Variants in DIPK1A observed in about 807,000 individuals in gnomAD.
The protein encoded by DIPK1A is family with sequence similarity 69 member A.
In DIPK1A, 27 loss-of-function variants were observed where a neutral mutation model predicts 40.8. That is an observed-to-expected ratio of 0.66 (90% confidence interval 0.49 to 0.91). The LOEUF (loss-of-function observed/expected upper bound fraction) is 0.91, where lower values mean the gene tolerates loss of function less well. DIPK1A is among the 40% of genes least tolerant of loss of function. The probability of loss-of-function intolerance (pLI) is 0.00; values close to 1 mark genes in which losing one functional copy is unlikely to be tolerated. For missense variants in DIPK1A, 412 were observed against 505.7 expected (o/e 0.81, Z 1.78); for synonymous variants, 166 against 171.3 (o/e 0.97, Z 0.24).
At chr1:92,906,861 T>C (rs1649644461) in intron 1 of DIPK1A, among the ~76,000 whole-genome samples, 1 of 152,186 alleles carries the variant, frequency 6.6e-6, no homozygotes, top group Non-Finnish European at 1.5e-5. Flanking sequence ...TTACCTCTTA[T>C]CTTTAAAGAT....
At chr1:92,874,312 A>G (rs1319283279) in intron 2 of DIPK1A, among the ~76,000 whole-genome samples, 4 of 152,218 alleles carry the variant, frequency 2.6e-5, no homozygotes, top group Non-Finnish European at 4.4e-5. Flanking sequence ...ATTTTGTCTT[A>G]ATCTCTTAGA....
intron 1 of DIPK1A, among the ~76,000 whole-genome samples, chr1:92,939,667 A>G (rs1651077842): frequency 6.6e-6 from 1 of 152,172 alleles, no homozygotes; most frequent in Non-Finnish European, 1.5e-5. Context: ...ATTTACATTT[A>G]TCAGGGCTGG....
chr1:92,940,462 C>T lies in DIPK1A; in HGVS notation c.54+20914G>A, dbSNP rs574109093. 5.3e-4 allele frequency among the ~76,000 whole-genome samples: 80 copies of T among 152,282 alleles called. 1 individual carries two copies. Among genetic ancestry groups the T allele is most frequent in the Non-Finnish European group, 1.0e-3 (70 of 68,016 alleles). On this transcript the variant is annotated intron_variant, in intron 1 of 4. Transcript: ENST00000370310. ...ATGTGATTATCATTTAATTAAGGGA[C>T]TTTTGGTACTACAATTCTACCCCTT...
At chr1:92,913,283 G>T (rs1456789189) in intron 1 of DIPK1A, among the ~76,000 whole-genome samples, 1 of 151,916 alleles carries the variant, frequency 6.6e-6, no homozygotes, top group Non-Finnish European at 1.5e-5. Flanking sequence ...GCTACTGATT[G>T]CTTCAACCCC....
At chr1:92,913,280 A>AT (rs1649907708) in intron 1 of DIPK1A, among the ~76,000 whole-genome samples, 1 of 152,088 alleles carries the variant, frequency 6.6e-6, no homozygotes, top group Non-Finnish European at 1.5e-5. Context: ...CAAGCTACTG[A>AT]TTGCTTCAAC....
chr1:92,914,955 G>A (rs1410118002), intron 1 of DIPK1A, among the ~76,000 whole-genome samples: 1 of 151,670 alleles, frequency 6.6e-6, no homozygotes, highest in East Asian at 1.9e-4. Flanking sequence ...AGGAGTGGTG[G>A]TGCACACCTA....
intron 1 of DIPK1A, among the ~76,000 whole-genome samples, chr1:92,910,550 G>T (rs1462766426): frequency 1.3e-5 from 2 of 152,060 alleles, no homozygotes; most frequent in Non-Finnish European, 2.9e-5. Flanking sequence ...CCAGTGACTA[G>T]AGTGCATCAT....
At chr1:92,948,873 T>G (rs926840967) in intron 1 of DIPK1A, among the ~76,000 whole-genome samples, 1 of 149,038 alleles carries the variant, frequency 6.7e-6, no homozygotes, top group Non-Finnish European at 1.5e-5. Context: ...GGTGCGATCT[T>G]GGCTCACTGC....
chr1:92,935,110 G>T (rs1272094282), intron 1 of DIPK1A, among the ~76,000 whole-genome samples: 1 of 152,186 alleles, frequency 6.6e-6, no homozygotes, highest in African/African-American at 2.4e-5. Flanking sequence ...CAGCGAAGGT[G>T]GGTCATTTGC....
chr1:92,875,450 C>T (rs1400836223), intron 2 of DIPK1A, among the ~76,000 whole-genome samples: 3 of 152,116 alleles, frequency 2.0e-5, no homozygotes, highest in Non-Finnish European at 4.4e-5. Context: ...GGTGCGGTGG[C>T]TCATGCCTGT....
Position 92,843,119 on chromosome 1 carries a change from G to A in DIPK1A, c.*264C>T. ...TGGAATGAAGCTTTTCACAGCATTG[G>A]TTTTTAAAGTCAGTCAAAATAGTTA... On this transcript the variant is annotated 3_prime_UTR_variant, in exon 5 of 5. Transcript: ENST00000370310. 8.8e-7 allele frequency: 1 copy of A among 1,139,986 alleles called. No homozygotes were observed. The highest frequency in any genetic ancestry group is 1.6e-5 in the African/African-American group (1 of 61,756). The allele number at this position is 1,139,986 out of a possible 1,614,324, so 70.6% of individuals were successfully genotyped here.
chr1:92,863,452 C>T (rs1647372359), intron 2 of DIPK1A, among the ~76,000 whole-genome samples: 2 of 151,056 alleles, frequency 1.3e-5, no homozygotes, highest in Non-Finnish European at 2.9e-5. Context: ...TAAGATTGGC[C>T]GGGCAGTGGT....
chr1:92,900,149 C>G (rs988399149), intron 1 of DIPK1A, among the ~76,000 whole-genome samples: 4 of 152,118 alleles, frequency 2.6e-5, no homozygotes, highest in African/African-American at 9.7e-5. Flanking sequence ...GATGTCTATA[C>G]CTCTCCTCAG....
At chr1:92,909,268 G>C (rs1448919147) in intron 1 of DIPK1A, among the ~76,000 whole-genome samples, 1 of 152,058 alleles carries the variant, frequency 6.6e-6, no homozygotes, top group East Asian at 1.9e-4. Context: ...ATATATTTTT[G>C]TGTCTTTACT....
At chr1:92,876,068 G>A (rs916504554) in intron 2 of DIPK1A, among the ~76,000 whole-genome samples, 138 of 150,750 alleles carry the variant, frequency 9.2e-4, no homozygotes, top group African/African-American at 3.2e-3. Context: ...TATTGAGGAT[G>A]CCCCCACACT....
intron 1 of DIPK1A, among the ~76,000 whole-genome samples, chr1:92,926,927 C>T (rs1378093942): frequency 6.6e-6 from 1 of 152,072 alleles, no homozygotes; most frequent in Non-Finnish European, 1.5e-5. Context: ...TTGGGCAATG[C>T]TTTTATCCAA....
At position 92,843,948 on chromosome 1, in the gene DIPK1A, A is replaced by G; in HGVS notation, c.722T>C (p.Leu241Pro). The G allele has an allele frequency of 6.4e-7, 1 of 1,551,904 alleles. No homozygotes were observed. The highest frequency in any genetic ancestry group is 2.4e-5 in the East Asian group (1 of 40,928). Residue 241 changes from leucine (L) to proline (P), a missense_variant, in exon 5 of 5, where the codon CTT becomes CCT. By Grantham distance (98) the Leu-to-Pro change is moderately conservative. Transcript: ENST00000370310. Reference protein sequence around the residue: ...VEYTSLYGISLPWVIELFIPS... With the variant: ...VEYTSLYGISPPWVIELFIPS... ...AATAAAAAGTTCAATGACCCAAGGA[A>G]GGCTTATTCCATAAAGAGAGGTATA...
At position 92,958,556 on chromosome 1, in the gene DIPK1A, C is replaced by G. The variant is rs572756381; in HGVS notation, c.54+2820G>C. Among the ~76,000 whole-genome samples, 494 of 152,308 alleles carry G rather than the reference C, an allele frequency of 3.2e-3. 4 individuals carry two copies. Among genetic ancestry groups the G allele is most frequent in the African/African-American group, 0.011 (452 of 41,556 alleles). On this transcript the variant is annotated intron_variant, in intron 1 of 4. Coordinates refer to ENST00000370310, the MANE Select transcript of DIPK1A (RefSeq NM_001006605.5). ...CTGTACTCTTACCCTTCCCCTCCCC[C>G]CAAACAGAACAAGATCTCTTATACC...
chr1:92,897,255 C>G (rs1362564481), intron 1 of DIPK1A, among the ~76,000 whole-genome samples: 1 of 152,148 alleles, frequency 6.6e-6, no homozygotes, highest in Non-Finnish European at 1.5e-5. Flanking sequence ...GGAACCAACC[C>G]AAATGTCCAT....
Sources: gnomAD v4.1 joint callset for allele counts (sites outside exome capture counted in the v4.1 genomes callset) on GRCh38, gnomAD v4.1.1 for gene constraint, MANE v1.5 for transcripts, NCBI Gene and HGNC (gene_info 2026-07-23, HGNC 2026-07-21) for gene names.